Variants in ARHGAP25 observed in about 807,000 individuals in gnomAD.
The protein encoded by ARHGAP25 is Rho GTPase activating protein 25.
In ARHGAP25, 34 loss-of-function variants were observed where a neutral mutation model predicts 71.0. The observed-to-expected ratio is 0.48, with a 90% CI of 0.36 to 0.64. The LOEUF (loss-of-function observed/expected upper bound fraction) is 0.64, where lower values mean the gene tolerates loss of function less well. Among genes scored for constraint, ARHGAP25 ranks in the 30% least tolerant of loss-of-function variants. The probability of loss-of-function intolerance (pLI) is 0.00; values close to 1 mark genes in which losing one functional copy is unlikely to be tolerated. For synonymous variants in ARHGAP25, 282 were observed against 296.5 expected, an observed-to-expected ratio of 0.95 and a Z score of 0.50; for missense variants, 706 against 805.1, an observed-to-expected ratio of 0.88 and a Z score of 1.49.
intron 3 of ARHGAP25, among the ~76,000 whole-genome samples, chr2:68,787,009 T>A (rs1678802395): frequency 6.6e-6 from 1 of 152,216 alleles, no homozygotes; most frequent in South Asian, 2.1e-4. Context: ...CGGATGAAGT[T>A]AGAGTTCAAG....
At chr2:68,747,169 C>A (rs923370952) in intron 1 of ARHGAP25, among the ~76,000 whole-genome samples, 3 of 152,126 alleles carry the variant, frequency 2.0e-5, no homozygotes, top group African/African-American at 7.2e-5. Context: ...CACAATCAGG[C>A]ATTTTCTCCT....
chr2:68,720,656 T>A (rs1674741561), intron 2 of ARHGAP25, among the ~76,000 whole-genome samples: 1 of 152,150 alleles, frequency 6.6e-6, no homozygotes, highest in Non-Finnish European at 1.5e-5. Flanking sequence ...TCCCAGTAGA[T>A]TCCTCTGCTT....
At position 68,774,855 on chromosome 2, in the gene ARHGAP25, C is replaced by T. The variant is rs1160064446; in HGVS notation, c.62-366C>T. ...TCCTCTCTCTTGTCAGATACTGACT[C>T]CCACGCAGGAAAAAGGAAGCACCTT... On this transcript the variant is annotated intron_variant, in intron 1 of 10. Transcript: ENST00000409202. 2.4e-6 allele frequency: 3 copies of T among 1,235,020 alleles called. No homozygotes were observed. The African/African-American group carries it at 4.6e-5, about 19-fold the overall frequency. The allele number at this position is 1,235,020 out of a possible 1,614,324, so 76.5% of individuals were successfully genotyped here.
chr2:68,761,060 A>C (rs1405088568), intron 1 of ARHGAP25, among the ~76,000 whole-genome samples: 1 of 152,068 alleles, frequency 6.6e-6, no homozygotes, highest in African/African-American at 2.4e-5. Context: ...TGTAGAGGTC[A>C]CATACACATA....
At chr2:68,818,142 G>A (rs1681366408) in intron 8 of ARHGAP25, 148 bp downstream of exon 8, 4 of 1,128,606 alleles carry the variant, frequency 3.5e-6, no homozygotes, top group Non-Finnish European at 3.8e-6. Context: ...TTGTGAGGTA[G>A]GCAGGGCAGG....
At chr2:68,761,974 G>A (rs1473078773) in intron 1 of ARHGAP25, among the ~76,000 whole-genome samples, 2 of 152,088 alleles carry the variant, frequency 1.3e-5, no homozygotes, top group African/African-American at 4.8e-5. Context: ...AAAACATGGA[G>A]GCAACCCAGG....
chr2:68,793,809 GA>G (rs1679358124), intron 4 of ARHGAP25, among the ~76,000 whole-genome samples: 1 of 152,008 alleles, frequency 6.6e-6, no homozygotes, highest in Admixed American at 6.6e-5. Context: ...GTTCTGTGAA[GA>G]AATGACGTTG....
intron 1 of ARHGAP25, among the ~76,000 whole-genome samples, chr2:68,756,140 T>C (rs757246761): frequency 1.3e-5 from 2 of 152,196 alleles, no homozygotes; most frequent in Non-Finnish European, 2.9e-5. Flanking sequence ...GAGTTGTACT[T>C]AATTTCAGTG....
chr2:68,816,091 G>T, intron 6 of ARHGAP25, 198 bp from the exon 7 acceptor site: 1 of 653,894 alleles, frequency 1.5e-6, no homozygotes, highest in Non-Finnish European at 2.8e-6. Context: ...CAAAAACTAT[G>T]ACCCTTTTAA....
Position 68,813,350 on chromosome 2 carries a change from C to G in ARHGAP25, c.738C>G (p.Pro246=). ...TCTACCTCCGAGACCTCCCAGAGCCCGTGGTTCCCTGGAGCCAGTACGAAG... is the reference window on the plus strand; with the variant it reads ...TCTACCTCCGAGACCTCCCAGAGCCGGTGGTTCCCTGGAGCCAGTACGAAG... ...LKLYLRDLPE[P]VVPWSQYEGF... Residue 246 remains proline (P), a synonymous_variant, in exon 6 of 11, where the codon CCC becomes CCG. Coordinates refer to ENST00000409202, the MANE Select transcript of ARHGAP25 (RefSeq NM_001007231.3). 6.2e-7 allele frequency: 1 copy of G among 1,613,778 alleles called. No individual in the cohort carries two copies. Among genetic ancestry groups the G allele is most frequent in the South Asian group, 1.1e-5 (1 of 91,044 alleles).
chr2:68,758,889 G>A (rs1312789361), intron 1 of ARHGAP25, among the ~76,000 whole-genome samples: 1 of 151,814 alleles, frequency 6.6e-6, no homozygotes, highest in Non-Finnish European at 1.5e-5. Flanking sequence ...TAAAAGGTAG[G>A]TATCGTACAA....
intron 1 of ARHGAP25, 155 bp from the exon 2 acceptor site, chr2:68,775,066 G>A (rs575374718): frequency 5.9e-6 from 9 of 1,534,074 alleles, no homozygotes; most frequent in African/African-American, 2.7e-5. Context: ...GCTCGGGGGG[G>A]ACTTTCTCTG....
At chr2:68,714,698 G>C (rs1436540743) in intron 2 of ARHGAP25, among the ~76,000 whole-genome samples, 2 of 151,928 alleles carry the variant, frequency 1.3e-5, no homozygotes, top group Non-Finnish European at 2.9e-5. Context: ...TGTTCTCTTT[G>C]GTTTCAAATA....
chr2:68,758,073 C>T (rs1346166454), intron 1 of ARHGAP25, among the ~76,000 whole-genome samples: 1 of 151,472 alleles, frequency 6.6e-6, no homozygotes, highest in African/African-American at 2.4e-5. Context: ...AAGTGTAATC[C>T]CAATTGTAAC....
intron 9 of ARHGAP25, chr2:68,819,659 CAG>C (rs1183077155): frequency 1.8e-6 from 1 of 544,812 alleles, no homozygotes; most frequent in African/African-American, 1.9e-5. Context: ...ATGTTTTGGT[CAG>C]AATTGTTGAA....
chr2:68,761,372 GA>G (rs914268581), intron 1 of ARHGAP25, among the ~76,000 whole-genome samples: 2 of 151,680 alleles, frequency 1.3e-5, no homozygotes, highest in African/African-American at 4.8e-5. Flanking sequence ...GGTAACAGAA[GA>G]AAAAATAGTC....
chr2:68,762,762 C>T (rs1266960628), intron 1 of ARHGAP25, among the ~76,000 whole-genome samples: 2 of 151,968 alleles, frequency 1.3e-5, no homozygotes, highest in Non-Finnish European at 2.9e-5. Flanking sequence ...AAGGAGTGGC[C>T]AGCCAAAAAG....
At position 68,734,945 on chromosome 2, in the gene ARHGAP25, C is replaced by G; in HGVS notation, c.-255C>G. On this transcript the variant is annotated 5_prime_UTR_variant, in exon 1 of 11. Coordinates refer to ENST00000409202, the MANE Select transcript of ARHGAP25 (RefSeq NM_001007231.3). ...GAAAGCAAGAAAAGCAGGGTGCTAG[C>G]CCCTGTGGGACTGAGGGTGGAGGCT... 1.8e-6 allele frequency: 1 copy of G among 566,888 alleles called. No individual in the cohort carries two copies. The highest frequency in any genetic ancestry group is 3.1e-6 in the Non-Finnish European group (1 of 319,068). 35.1% of individuals were successfully genotyped at this position (566,888 alleles called of 1,614,324 possible). A position where few individuals can be genotyped will look rare whatever the true frequency, so the allele number is the denominator to read the frequency against.
At chr2:68,736,015 A>T (rs999643546) in intron 1 of ARHGAP25, among the ~76,000 whole-genome samples, 1 of 152,234 alleles carries the variant, frequency 6.6e-6, no homozygotes, top group Non-Finnish European at 1.5e-5. Context: ...AGTAATTCAC[A>T]TCAGAGCAAT....
Sources: allele counts gnomAD v4.1 joint callset (sites outside exome capture counted in the v4.1 genomes callset), GRCh38; gene constraint gnomAD v4.1.1; transcripts MANE v1.5; gene names NCBI Gene and HGNC (gene_info 2026-07-23, HGNC 2026-07-21).